UGT1A7: variants seen among roughly 807,000 people sequenced by gnomAD.
The protein encoded by UGT1A7 is UDP glucuronosyltransferase family 1 member A7.
A neutral mutation model predicts 45.6 loss-of-function variants in UGT1A7; 33 were observed. The ratio of observed to expected loss-of-function variants is 0.72; its 90% CI spans 0.55 to 0.97. UGT1A7 has a LOEUF of 0.97. Ranked by LOEUF, UGT1A7 falls within the 50% of genes least tolerant of loss-of-function variation. The pLI, the probability that UGT1A7 is intolerant of heterozygous loss-of-function variation, is 0.00. For missense variants in UGT1A7, 684 were observed against 666.2 expected (o/e 1.03, Z -0.29); for synonymous variants, 274 against 250.6 (o/e 1.09, Z -0.88).
At chr2:233,744,499 T>C (rs751170063) in intron 1 of UGT1A7, among the ~76,000 whole-genome samples, 33 of 151,936 alleles carry the variant, frequency 2.2e-4, no homozygotes, top group Non-Finnish European at 4.0e-4. Context: ...TTAGTAAGAA[T>C]AAACCCATGA....
chr2:233,758,250 G>A (rs564739721), intron 1 of UGT1A7, among the ~76,000 whole-genome samples: 109 of 152,302 alleles, frequency 7.2e-4, no homozygotes, highest in African/African-American at 2.6e-3. Context: ...CCACTATTCA[G>A]ATTAGTAAGT....
rs556291305 is a variant in UGT1A7, at chr2:233,766,974, G to A, written c.856-60G>A. 4.3e-6 allele frequency: 7 copies of A among 1,611,912 alleles called. No homozygotes were observed. In the East Asian group the frequency reaches 1.6e-4, roughly 36 times the overall value. On this transcript the variant is annotated intron_variant, in intron 1 of 4. Transcript: ENST00000373426. ...GAAGATATCTAATTCATAACTTACT[G>A]TATGTAGTCATCAAAGAATATGAGA... is the stretch of plus-strand genomic sequence containing the variant.
At chr2:233,749,821 C>T (rs1469380104) in intron 1 of UGT1A7, among the ~76,000 whole-genome samples, 1 of 151,926 alleles carries the variant, frequency 6.6e-6, no homozygotes, top group African/African-American at 2.4e-5. Context: ...TCCTCTTTCT[C>T]TCTTTCATGT....
chr2:233,712,339 T>C (rs545397552), intron 1 of UGT1A7, among the ~76,000 whole-genome samples: 1 of 152,174 alleles, frequency 6.6e-6, no homozygotes, highest in African/African-American at 2.4e-5. Context: ...AATCTGATCA[T>C]CACATCTTGA....
intron 1 of UGT1A7, among the ~76,000 whole-genome samples, chr2:233,745,365 T>C (rs1693089556): frequency 6.6e-6 from 1 of 151,880 alleles, no homozygotes; most frequent in Admixed American, 6.5e-5. Flanking sequence ...TTTTTTGAGA[T>C]CTGAGTTCTC....
In UGT1A7 at chr2:233,728,656, G is replaced by C. The variant is rs187762667; in HGVS notation, c.856-38378G>C. Among the ~76,000 whole-genome samples, 9 of 152,298 alleles carry C rather than the reference G, an allele frequency of 5.9e-5. No homozygotes were observed. In the East Asian group the frequency reaches 1.4e-3, roughly 23 times the overall value. On this transcript the variant is annotated intron_variant, in intron 1 of 4. Coordinates refer to ENST00000373426, the MANE Select transcript of UGT1A7 (RefSeq NM_019077.3). ...GCAATGTTGTATGGTTTTTGGATGC[G>C]CTGCGTTACTCATACATGAGAAGAA...
intron 1 of UGT1A7, among the ~76,000 whole-genome samples, chr2:233,757,541 T>TATACATATACATAC (rs1229454769): frequency 8.5e-6 from 1 of 117,592 alleles, no homozygotes; most frequent in Admixed American, 8.1e-5. Context: ...AAGGAATATA[T>TATACATATACATAC]ATATATATAT....
intron 1 of UGT1A7, among the ~76,000 whole-genome samples, chr2:233,727,486 G>T (rs2077620182): frequency 6.6e-6 from 1 of 152,192 alleles, no homozygotes; most frequent in Non-Finnish European, 1.5e-5. Flanking sequence ...ACTACTTGGA[G>T]GTAGAACATG....
intron 1 of UGT1A7, chr2:233,754,408 C>G (rs1318751129): frequency 8.8e-6 from 3 of 340,794 alleles, no homozygotes; most frequent in African/African-American, 6.4e-5. Flanking sequence ...GCAGTCCCAA[C>G]AATAAAGACA....
At chr2:233,709,578 A>G (rs2125616142) in intron 1 of UGT1A7, among the ~76,000 whole-genome samples, 1 of 152,336 alleles carries the variant, frequency 6.6e-6, no homozygotes, top group South Asian at 2.1e-4. Flanking sequence ...AAATTCAAAA[A>G]ATATACCAGG....
chr2:233,682,657 G>A lies in UGT1A7; in HGVS notation c.720G>A (p.Thr240=), dbSNP rs778347346. 42 of 1,613,702 alleles carry A rather than the reference G, an allele frequency of 2.6e-5. No individual in the cohort carries two copies. Among genetic ancestry groups the A allele is most frequent in the African/African-American group, 5.3e-5 (4 of 74,866 alleles). ...IASEILQTPV[T]AYDLYSHTSI... ...CTGAAATTCTCCAAACCCCTGTCACGGCATATGATCTCTACAGCCACACAT... is the reference window on the plus strand; with the variant it reads ...CTGAAATTCTCCAAACCCCTGTCACAGCATATGATCTCTACAGCCACACAT... The change falls in exon 1 of 5, where the codon ACG becomes ACA. Residue 240 remains threonine, a synonymous_variant. Coordinates refer to ENST00000373426, the MANE Select transcript of UGT1A7 (RefSeq NM_019077.3).
intron 1 of UGT1A7, among the ~76,000 whole-genome samples, chr2:233,698,043 G>A (rs1345367179): frequency 6.6e-6 from 1 of 152,102 alleles, no homozygotes. Flanking sequence ...TTTTCAAAAA[G>A]TTGTACTCAG....
At chr2:233,743,564 G>A (rs772866173) in intron 1 of UGT1A7, 83 of 1,367,154 alleles carry the variant, frequency 6.1e-5, no homozygotes, top group Non-Finnish European at 7.6e-5. Context: ...ATTCTCCAGC[G>A]GGTTTCCCAA....
chr2:233,738,744 T>G (rs1482217352), intron 1 of UGT1A7, among the ~76,000 whole-genome samples: 1 of 152,136 alleles, frequency 6.6e-6, no homozygotes, highest in Non-Finnish European at 1.5e-5. Flanking sequence ...CCTGACCATG[T>G]GGTAGAAAAG....
intron 1 of UGT1A7, among the ~76,000 whole-genome samples, chr2:233,702,296 T>C (rs540629836): frequency 2.0e-5 from 3 of 152,348 alleles, no homozygotes; most frequent in African/African-American, 7.2e-5. Flanking sequence ...TAAAGAGTTT[T>C]GTATATTGAT....
chr2:233,693,137 A>G, intron 1 of UGT1A7: 1 of 1,614,192 alleles, frequency 6.2e-7, no homozygotes, highest in Non-Finnish European at 8.5e-7. Flanking sequence ...TATGAAGGAT[A>G]TAGTTGAGGT....
intron 4 of UGT1A7, chr2:233,771,308 TC>T (rs1375108743): frequency 6.6e-6 from 1 of 152,198 alleles, no homozygotes; most frequent in African/African-American, 2.4e-5. Context: ...CTCCTCCTTT[TC>T]CCTCTCCTCT....
chr2:233,695,863 A>G (rs933012349), intron 1 of UGT1A7, among the ~76,000 whole-genome samples: 2 of 152,224 alleles, frequency 1.3e-5, no homozygotes, highest in Non-Finnish European at 2.9e-5. Flanking sequence ...TCACTCAACA[A>G]CAAACAACGC....
intron 1 of UGT1A7, among the ~76,000 whole-genome samples, chr2:233,694,575 T>C (rs1453621586): frequency 1.3e-5 from 2 of 152,230 alleles, no homozygotes; most frequent in Non-Finnish European, 2.9e-5. Context: ...AATTTCAATG[T>C]AAATATTTAC....
Sources: allele counts gnomAD v4.1 joint callset (sites outside exome capture counted in the v4.1 genomes callset), GRCh38; gene constraint gnomAD v4.1.1; transcripts MANE v1.5; gene names NCBI Gene and HGNC (gene_info 2026-07-23, HGNC 2026-07-21).